Variants in PCDHA7 observed in about 807,000 individuals in gnomAD.
PCDHA7 encodes the protein protocadherin alpha-7.
A neutral mutation model predicts 57.2 loss-of-function variants in PCDHA7; 37 were observed. The ratio of observed to expected loss-of-function variants is 0.65; its 90% CI spans 0.50 to 0.85. PCDHA7 has a LOEUF of 0.85. Among genes scored for constraint, PCDHA7 ranks in the 40% least tolerant of loss-of-function variants. The pLI, the probability that PCDHA7 is intolerant of heterozygous loss-of-function variation, is 0.00. For missense variants in PCDHA7, 1,188 were observed against 1,241.8 expected (o/e 0.96, Z 0.65); for synonymous variants, 553 against 558.8 (o/e 0.99, Z 0.15).
chr5:140,999,678 G>A (rs1204037119), intron 3 of PCDHA7, among the ~76,000 whole-genome samples: 2 of 152,112 alleles, frequency 1.3e-5, no homozygotes, highest in East Asian at 1.9e-4. Context: ...GGGGCTCACA[G>A]AAAGAAGAAA....
At chr5:140,960,303 C>G (rs2095539243) in intron 1 of PCDHA7, among the ~76,000 whole-genome samples, 1 of 152,132 alleles carries the variant, frequency 6.6e-6, no homozygotes, top group African/African-American at 2.4e-5. Context: ...TTCATCAATA[C>G]CAACCTCATT....
chr5:140,977,518 G>C (rs1328241179), intron 1 of PCDHA7, among the ~76,000 whole-genome samples: 5 of 152,166 alleles, frequency 3.3e-5, no homozygotes, highest in African/African-American at 7.2e-5. Context: ...TTGTGAACTT[G>C]AAAACAAAGG....
At chr5:140,893,391 G>T (rs1481818388) in intron 1 of PCDHA7, among the ~76,000 whole-genome samples, 1 of 152,158 alleles carries the variant, frequency 6.6e-6, no homozygotes, top group Non-Finnish European at 1.5e-5. Context: ...AGTGGCTCAT[G>T]CCTGTAATCC....
chr5:140,969,024 C>T, intron 1 of PCDHA7: 1 of 1,614,198 alleles, frequency 6.2e-7, no homozygotes, highest in Non-Finnish European at 8.5e-7. Flanking sequence ...GAAAGGTCCC[C>T]TGCAGAACTG....
chr5:140,839,718 T>C (rs182752192), intron 1 of PCDHA7, among the ~76,000 whole-genome samples: 1 of 152,078 alleles, frequency 6.6e-6, no homozygotes, highest in African/African-American at 2.4e-5. Flanking sequence ...CAAATTTAAA[T>C]CATTTCACAG....
intron 2 of PCDHA7, 155 bp downstream of exon 2, chr5:140,979,162 T>C: frequency 2.1e-6 from 2 of 975,444 alleles, no homozygotes; most frequent in Non-Finnish European, 2.4e-6. Context: ...TGTTTATTCC[T>C]TGAAAGATCG....
At chr5:140,874,305 A>G (rs2054830761) in intron 1 of PCDHA7, among the ~76,000 whole-genome samples, 1 of 152,116 alleles carries the variant, frequency 6.6e-6, no homozygotes, top group Non-Finnish European at 1.5e-5. Context: ...CTTGTTCACA[A>G]TGAGTTGTAG....
intron 1 of PCDHA7, among the ~76,000 whole-genome samples, chr5:140,911,440 A>C (rs151200639): frequency 6.6e-5 from 10 of 152,168 alleles, no homozygotes; most frequent in African/African-American, 1.7e-4. Context: ...ATTTCCCGCA[A>C]TTTCAGCTCT....
At chr5:140,982,824 G>GGTTT (rs74513655) in intron 3 of PCDHA7, among the ~76,000 whole-genome samples, 1 of 151,942 alleles carries the variant, frequency 6.6e-6, no homozygotes, top group African/African-American at 2.4e-5. Context: ...AAGTTTTTGG[G>GGTTT]GTTTGTTTGT....
chr5:140,938,065 C>A (rs2091903151), intron 1 of PCDHA7, among the ~76,000 whole-genome samples: 1 of 152,094 alleles, frequency 6.6e-6, no homozygotes, highest in Admixed American at 6.5e-5. Context: ...TACTGTCATG[C>A]TATTCCCAAA....
chr5:140,879,491 T>G (rs2153367311), intron 1 of PCDHA7, among the ~76,000 whole-genome samples: 1 of 152,338 alleles, frequency 6.6e-6, no homozygotes. Flanking sequence ...AATATGGGTC[T>G]GGATCTCAGA....
At chr5:140,863,029 G>C (rs782621997) in intron 1 of PCDHA7, 1 of 556,606 alleles carries the variant, frequency 1.8e-6, no homozygotes, top group Non-Finnish European at 3.5e-6. Context: ...TGTCGCAACA[G>C]CTGCATCTGT....
At chr5:140,884,688 C>T in intron 1 of PCDHA7, 1 of 1,535,868 alleles carries the variant, frequency 6.5e-7, no homozygotes, top group Non-Finnish European at 8.8e-7. Context: ...AAAAAATTGT[C>T]TTAGTAAACA....
intron 1 of PCDHA7, among the ~76,000 whole-genome samples, chr5:140,898,316 G>T (rs1487888782): frequency 6.6e-6 from 1 of 152,168 alleles, no homozygotes; most frequent in Non-Finnish European, 1.5e-5. Flanking sequence ...GGTTTTTATG[G>T]TTTTGGGTCT....
chr5:140,928,795 G>T, intron 1 of PCDHA7: 1 of 1,614,152 alleles, frequency 6.2e-7, no homozygotes, highest in South Asian at 1.1e-5. Flanking sequence ...GCAGAGGGTG[G>T]TGGTAGTGGT....
chr5:140,982,784 C>T (rs568886944), intron 3 of PCDHA7, among the ~76,000 whole-genome samples: 9 of 151,444 alleles, frequency 5.9e-5, no homozygotes, highest in South Asian at 2.1e-4. Flanking sequence ...TGTGTGTGCA[C>T]GCATGTGTGC....
chr5:141,010,408 A>G lies in PCDHA7; in HGVS notation c.*471A>G. 1 of 1,251,364 alleles carries G rather than the reference A, an allele frequency of 8.0e-7. No homozygotes were observed. Among genetic ancestry groups the G allele is most frequent in the Non-Finnish European group, 1.1e-6 (1 of 926,828 alleles). 77.5% of individuals were successfully genotyped at this position (1,251,364 alleles called of 1,614,324 possible). ...GGCTGAGACGAGCCAGCTTAGACTA[A>G]TTGGTACAAGGAAGGCAAGAAAACA... On this transcript the variant is annotated 3_prime_UTR_variant, in exon 4 of 4. Transcript: ENST00000525929.
rs2150224744 is a variant in PCDHA7 at position 140,834,714 on chromosome 5, G to A, written c.331G>A (p.Glu111Lys). The stretch of plus-strand genomic sequence containing the variant: ...CAGCATCCACCTGGAGGTGATCGTG[G>A]AAAGGCCGCTGCAGGTTTTCCATGT... ...ECSIHLEVIVERPLQVFHVDV... is the reference protein window; with the variant it reads ...ECSIHLEVIVKRPLQVFHVDV... Residue 111 changes from glutamate to lysine, a missense_variant, in exon 1 of 4, where the codon GAA (glutamate) becomes AAA (lysine). Physicochemically the swap from Glu to Lys is moderately conservative, Grantham distance 56 (BLOSUM62 1). This residue lies in a region of PCDHA7 where 194 missense variants were observed against 185.8 expected (regional missense o/e 1.04). Coordinates refer to ENST00000525929, the MANE Select transcript of PCDHA7 (RefSeq NM_018910.3). The A allele has an allele frequency of 1.2e-6, 2 of 1,614,274 alleles. No individual in the cohort carries two copies. The highest frequency in any genetic ancestry group is 1.7e-5 in the Admixed American group (1 of 60,030).
At chr5:140,867,282 C>T (rs921833641) in intron 1 of PCDHA7, 6 of 152,010 alleles carry the variant, frequency 3.9e-5, no homozygotes, top group African/African-American at 7.2e-5. Flanking sequence ...ACCTGATGTG[C>T]TTCAAATATC....
Sources: gnomAD v4.1 joint callset for allele counts (sites outside exome capture counted in the v4.1 genomes callset) on GRCh38, gnomAD v4.1.1 for gene constraint, gnomAD v4.1.1 regional missense constraint, MANE v1.5 for transcripts, NCBI Gene and HGNC (gene_info 2026-07-23, HGNC 2026-07-21) for gene names.